The following DCDC2C variants were observed in gnomAD, a reference collection of about 807,000 sequenced individuals.
DCDC2C encodes the protein doublecortin domain-containing protein 2C.
Under a neutral mutation model 45.0 loss-of-function variants are expected in DCDC2C, and 44 were observed. The observed-to-expected ratio is 0.98, with a 90% CI of 0.77 to 1.26. The LOEUF (loss-of-function observed/expected upper bound fraction) is 1.26, where lower values mean the gene tolerates loss of function less well. Ranked by LOEUF, DCDC2C falls within the 50% of genes most tolerant of loss-of-function variation. The pLI is 0.00. For synonymous variants in DCDC2C, 187 were observed against 178.8 expected (o/e 1.05, Z -0.37); for missense variants, 447 against 468.9 (o/e 0.95, Z 0.43).
At chr2:3,711,568 C>G (rs1312406800) in intron 2 of DCDC2C, among the ~76,000 whole-genome samples, 2 of 152,192 alleles carry the variant, frequency 1.3e-5, no homozygotes, top group African/African-American at 4.8e-5. Context: ...CAACTATAGC[C>G]TCATAGAGTG....
chr2:3,776,242 T>G (rs1309752400), intron 8 of DCDC2C, among the ~76,000 whole-genome samples: 1 of 152,188 alleles, frequency 6.6e-6, no homozygotes, highest in Non-Finnish European at 1.5e-5. Context: ...CTGAAATCAC[T>G]CTTGTTATGA....
In DCDC2C at chr2:3,763,524, G is replaced by T. The variant is rs139118848; in HGVS notation, c.727-4230G>T. Among the ~76,000 whole-genome samples the T allele has an allele frequency of 8.2e-3, 1,249 of 152,302 alleles. 8 individuals carry two copies. The highest frequency in any genetic ancestry group is 0.013 in the Non-Finnish European group (918 of 68,028). The stretch of plus-strand genomic sequence containing the variant: ...CTTTCGTATCCTTGTTCAGCTCTGT[G>T]TCACCAATGCAAGAGCACCCGCCAA... On this transcript the variant is annotated intron_variant, in intron 6 of 10. Transcript: ENST00000399143.
intron 3 of DCDC2C, among the ~76,000 whole-genome samples, chr2:3,730,979 C>T (rs771451943): frequency 3.3e-5 from 5 of 152,200 alleles, no homozygotes; most frequent in African/African-American, 4.8e-5. Context: ...AGGACTGACT[C>T]GTGCACGAAC....
At chr2:3,740,384 C>A (rs1293424315) in intron 3 of DCDC2C, among the ~76,000 whole-genome samples, 1 of 152,136 alleles carries the variant, frequency 6.6e-6, no homozygotes, top group African/African-American at 2.4e-5. Context: ...ATCTATTTTG[C>A]CAAAGTGTCC....
intron 5 of DCDC2C, among the ~76,000 whole-genome samples, chr2:3,754,120 C>T (rs1400346146): frequency 6.6e-6 from 1 of 152,156 alleles, no homozygotes; most frequent in Non-Finnish European, 1.5e-5. Context: ...ATCTTTTCCC[C>T]TTGCCGAAGT....
intron 10 of DCDC2C, among the ~76,000 whole-genome samples, chr2:3,815,341 CCTT>C (rs1671529290): frequency 6.6e-6 from 1 of 152,354 alleles, no homozygotes; most frequent in African/African-American, 2.4e-5. Context: ...TTCCTTCTCT[CCTT>C]CTTCCTCTTC....
intron 10 of DCDC2C, 95 bp downstream of exon 10, chr2:3,785,195 C>G (rs2148181863): frequency 1.0e-6 from 1 of 976,590 alleles, no homozygotes; most frequent in South Asian, 5.2e-5. Flanking sequence ...TTCTCAGGTG[C>G]TTTTTAGGAA....
chr2:3,719,855 C>G (rs1260507219), intron 2 of DCDC2C, among the ~76,000 whole-genome samples: 1 of 152,240 alleles, frequency 6.6e-6, no homozygotes, highest in Non-Finnish European at 1.5e-5. Flanking sequence ...CATGCTCCTT[C>G]AAATCAGAGG....
At chr2:3,705,136 T>A (rs776983681) in intron 1 of DCDC2C, among the ~76,000 whole-genome samples, 20 of 152,154 alleles carry the variant, frequency 1.3e-4, no homozygotes, top group Non-Finnish European at 2.5e-4. Flanking sequence ...TTGAGTTTTG[T>A]TTGTTGTTTT....
rs3067128 is a variant in DCDC2C, at chr2:3,813,732, C to CTTTTTTTT, written c.1065+28642_1065+28649dup. Among the ~76,000 whole-genome samples the CTTTTTTTT allele has an allele frequency of 3.7e-3, 362 of 99,090 alleles. 7 individuals carry two copies. The highest frequency in any genetic ancestry group is 0.014 in the African/African-American group (340 of 23,956). 65.0% of individuals were successfully genotyped at this position (99,090 alleles called of 152,430 possible). ...TCAGAGACTAGGATTGCAACCCCTGCTTTTTTTTTTTTTTTTTGCTTCCCA... is the reference window on the plus strand; with the variant it reads ...TCAGAGACTAGGATTGCAACCCCTGCTTTTTTTTTTTTTTTTTTTTTTTTTGCTTCCCA... On this transcript the variant is annotated intron_variant, in intron 10 of 10. Coordinates refer to ENST00000399143, the MANE Select transcript of DCDC2C (RefSeq NM_001287444.2).
chr2:3,806,312 T>C (rs1416167780), intron 10 of DCDC2C, among the ~76,000 whole-genome samples: 1 of 152,248 alleles, frequency 6.6e-6, no homozygotes, highest in Non-Finnish European at 1.5e-5. Flanking sequence ...CTCCTCTCCC[T>C]GGAATCCCCA....
chr2:3,803,399 G>A (rs773885267), intron 10 of DCDC2C, among the ~76,000 whole-genome samples: 3 of 152,134 alleles, frequency 2.0e-5, no homozygotes, highest in Non-Finnish European at 4.4e-5. Context: ...CAGACCTTGC[G>A]TCCTATCTTC....
chr2:3,829,585 C>G (rs888990632), intron 10 of DCDC2C, among the ~76,000 whole-genome samples: 1 of 152,146 alleles, frequency 6.6e-6, no homozygotes, highest in Non-Finnish European at 1.5e-5. Context: ...ATTTGGACAG[C>G]CTCTTTTGAC....
intron 10 of DCDC2C, among the ~76,000 whole-genome samples, chr2:3,794,374 T>G (rs1393119159): frequency 6.6e-6 from 1 of 152,150 alleles, no homozygotes; most frequent in Admixed American, 6.5e-5. Flanking sequence ...ATTTATTTAT[T>G]ATTATTATAC....
chr2:3,706,338 T>G (rs1382680119), intron 1 of DCDC2C, among the ~76,000 whole-genome samples: 1 of 152,240 alleles, frequency 6.6e-6, no homozygotes, highest in African/African-American at 2.4e-5. Context: ...CAGCCATTAC[T>G]CAGACATTTC....
intron 10 of DCDC2C, among the ~76,000 whole-genome samples, chr2:3,787,241 T>TA (rs1405158491): frequency 1.3e-5 from 2 of 152,246 alleles, no homozygotes; most frequent in African/African-American, 4.8e-5. Context: ...GGGAATATTT[T>TA]ACCAAACATA....
intron 9 of DCDC2C, among the ~76,000 whole-genome samples, chr2:3,780,888 A>G (rs1156255335): frequency 6.6e-6 from 1 of 152,150 alleles, no homozygotes; most frequent in Non-Finnish European, 1.5e-5. Flanking sequence ...CTTCCAGTGA[A>G]CCTTGCTGGT....
chr2:3,738,539 G>GAAAAAAA lies in DCDC2C; in HGVS notation c.417-3381_417-3380insAAAAAAA, dbSNP rs752819998. On this transcript the variant is annotated intron_variant, in intron 3 of 10. Transcript: ENST00000399143. ...TACATTTTTTCTGCTGGTCTATCTG[G>GAAAAAAA]GAAAAAAAAAAAAAAAAAAAAAAAA... Among the ~76,000 whole-genome samples, 10 of 55,256 alleles carry GAAAAAAA rather than the reference G, an allele frequency of 1.8e-4. 2 individuals carry two copies. The highest frequency in any genetic ancestry group is 1.4e-4 in the African/African-American group (2 of 14,008). The allele number at this position is 55,256 out of a possible 152,430, so 36.3% of individuals were successfully genotyped here.
chr2:3,841,719 G>C (rs775559939), intron 10 of DCDC2C, among the ~76,000 whole-genome samples: 4 of 151,948 alleles, frequency 2.6e-5, no homozygotes, highest in Admixed American at 1.3e-4. Context: ...GTTAGCACGC[G>C]GCGTGAGCGG....
Sources: gnomAD v4.1 joint callset for allele counts (sites outside exome capture counted in the v4.1 genomes callset) on GRCh38, gnomAD v4.1.1 for gene constraint, MANE v1.5 for transcripts, NCBI Gene and HGNC (gene_info 2026-07-23, HGNC 2026-07-21) for gene names.